The following CCDC40 variants were observed in gnomAD, a reference collection of about 807,000 sequenced individuals.
CCDC40 encodes coiled-coil domain-containing protein 40.
In CCDC40, 104 loss-of-function variants were observed where a neutral mutation model predicts 124.5. The observed-to-expected ratio is 0.84, with a 90% CI of 0.71 to 0.98. The LOEUF is 0.98. Ranked by LOEUF, CCDC40 falls within the 50% of genes least tolerant of loss-of-function variation. CCDC40 has a pLI of 0.00. For missense variants in CCDC40, 1,463 were observed against 1,503.9 expected, an observed-to-expected ratio of 0.97 and a Z score of 0.45; for synonymous variants, 580 against 602.9, an observed-to-expected ratio of 0.96 and a Z score of 0.56.
chr17:80,097,011 C>G (rs2038821979), intron 18 of CCDC40, among the ~76,000 whole-genome samples: 1 of 152,218 alleles, frequency 6.6e-6, no homozygotes, highest in African/African-American at 2.4e-5. Flanking sequence ...AGCCCCAGAA[C>G]CACTCAGGCC....
intron 7 of CCDC40, among the ~76,000 whole-genome samples, chr17:80,055,683 T>C (rs12601831): frequency 0.33 from 50,377 of 151,772 alleles, 11,004 homozygotes; most frequent in African/African-American, 0.63. Context: ...ACATAATTAT[T>C]TACTTATTTT....
At chr17:80,085,084 T>C in intron 13 of CCDC40, 96 bp downstream of exon 13, 1 of 1,481,024 alleles carries the variant, frequency 6.8e-7, no homozygotes. Flanking sequence ...CATGAACTCC[T>C]GGAAGGCACA....
chr17:80,076,355 C>T (rs895441579), intron 10 of CCDC40, among the ~76,000 whole-genome samples: 8 of 152,018 alleles, frequency 5.3e-5, no homozygotes, highest in African/African-American at 1.9e-4. Context: ...AGGCAGATGA[C>T]CTGAGCTCAG....
intron 17 of CCDC40, among the ~76,000 whole-genome samples, chr17:80,092,752 G>A (rs1456494162): frequency 6.6e-6 from 1 of 151,734 alleles, no homozygotes; most frequent in Non-Finnish European, 1.5e-5. Flanking sequence ...CTGGGATTAC[G>A]GGCACACACC....
rs550231495 is a variant in CCDC40 at position 80,089,903 on chromosome 17, C to A, written c.2832+19C>A. The stretch of plus-strand genomic sequence containing the variant: ...GATGAAGGTGAGGGGAGGAGAGCGG[C>A]GTGGCAGGGCCTGCTGGGTGCCAGC... On this transcript the variant is annotated intron_variant, in intron 17 of 19. Coordinates refer to ENST00000397545, the MANE Select transcript of CCDC40 (RefSeq NM_017950.4). 5.0e-6 allele frequency: 8 copies of A among 1,613,542 alleles called. No individual in the cohort carries two copies. The African/African-American group carries it at 8.0e-5, about 16-fold the overall frequency.
chr17:80,099,435 C>A, intron 19 of CCDC40, 92 bp from the exon 20 acceptor site: 1 of 1,475,002 alleles, frequency 6.8e-7, no homozygotes, highest in Non-Finnish European at 9.4e-7. Context: ...GCCTCCTCTT[C>A]GGCATTTCCT....
Position 80,041,258 on chromosome 17 carries a change from A to T in CCDC40, c.552+988A>T, listed in dbSNP as rs142402000. Among the ~76,000 whole-genome samples the T allele has an allele frequency of 3.9e-3, 599 of 152,340 alleles. 4 individuals carry two copies. Among genetic ancestry groups the T allele is most frequent in the African/African-American group, 0.014 (585 of 41,580 alleles). On this transcript the variant is annotated intron_variant, in intron 3 of 19. Transcript: ENST00000397545. ...CATGGTGGTGCACGCCTGTAATCCC[A>T]GCACTTCGGGAGGCCAAGGCGGGTG...
intron 4 of CCDC40, among the ~76,000 whole-genome samples, chr17:80,047,789 C>A (rs919171445): frequency 6.6e-6 from 1 of 152,144 alleles, no homozygotes; most frequent in African/African-American, 2.4e-5. Context: ...CAACCCCAGG[C>A]CTGAATCTGT....
chr17:80,085,010 C>T (rs1440928679), intron 13 of CCDC40, 22 bp downstream of exon 13: 16 of 1,611,896 alleles, frequency 9.9e-6, no homozygotes, highest in African/African-American at 1.3e-5. Flanking sequence ...GGCAGGGAGA[C>T]GTGGTCCCCG....
chr17:80,062,920 A>G (rs28510950), intron 9 of CCDC40, among the ~76,000 whole-genome samples: 11,768 of 151,950 alleles, frequency 0.077, 1,470 homozygotes, highest in African/African-American at 0.26. Flanking sequence ...ATGGCGGGGC[A>G]TGGTGGCTCA....
chr17:80,052,688 G>GA (rs1379080956), intron 7 of CCDC40, among the ~76,000 whole-genome samples: 3 of 152,224 alleles, frequency 2.0e-5, no homozygotes, highest in African/African-American at 7.2e-5. Flanking sequence ...TCTAAAAACA[G>GA]AGCATGCGGA....
Position 80,089,885 on chromosome 17 carries a change from G to T in CCDC40, c.2832+1G>T, listed in dbSNP as rs1257522974. The T allele has an allele frequency of 6.2e-7, 1 of 1,614,210 alleles. No individual in the cohort carries two copies. Among genetic ancestry groups the T allele is most frequent in the Non-Finnish European group, 8.5e-7 (1 of 1,180,018 alleles). On this transcript the variant is annotated splice_donor_variant, in intron 17 of 19. Transcript: ENST00000397545. LOFTEE classifies it high-confidence loss of function. Reference sequence around the variant, plus strand: ...GAAGGGCGAGATCCACAGGATGAAGGTGAGGGGAGGAGAGCGGCGTGGCAG... The same window carrying T: ...GAAGGGCGAGATCCACAGGATGAAGTTGAGGGGAGGAGAGCGGCGTGGCAG...
chr17:80,091,896 G>A (rs2143769046), intron 17 of CCDC40, among the ~76,000 whole-genome samples: 1 of 151,310 alleles, frequency 6.6e-6, no homozygotes, highest in East Asian at 1.9e-4. Context: ...AGTCATATCT[G>A]TACCTTCTTC....
chr17:80,071,118 GTCACTT>G (rs148333017), intron 10 of CCDC40, among the ~76,000 whole-genome samples: 2,877 of 152,320 alleles, frequency 0.019, 39 homozygotes, highest in Middle Eastern at 0.051. Flanking sequence ...AGGGAAATGG[GTCACTT>G]TCACTTTCAG....
intron 7 of CCDC40, among the ~76,000 whole-genome samples, chr17:80,052,038 C>T (rs1157279213): frequency 2.0e-5 from 3 of 152,252 alleles, no homozygotes; most frequent in South Asian, 2.1e-4. Flanking sequence ...GCAACGGTCC[C>T]GGCCCTGACC....
At chr17:80,061,034 G>T (rs2037881358) in intron 9 of CCDC40, among the ~76,000 whole-genome samples, 1 of 152,128 alleles carries the variant, frequency 6.6e-6, no homozygotes, top group African/African-American at 2.4e-5. Flanking sequence ...AACACCAAAA[G>T]CAGGAACCTT....
chr17:80,060,046 A>C (rs969073510), intron 9 of CCDC40, among the ~76,000 whole-genome samples: 12 of 152,264 alleles, frequency 7.9e-5, no homozygotes, highest in Admixed American at 7.2e-4. Context: ...ACAATTCTGG[A>C]GTTTTATCTG....
Position 80,086,590 on chromosome 17 carries a change from A to C in CCDC40, c.2449+374A>C. On this transcript the variant is annotated intron_variant, in intron 14 of 19. Coordinates refer to ENST00000397545, the MANE Select transcript of CCDC40 (RefSeq NM_017950.4). This position sits in a 1 kb window ranked among gnomAD's most constrained non-coding sequence, Gnocchi z 5.5. Reference sequence around the variant, plus strand: ...AGGCTCCTGGTGCTGTCCCCACATCACCTCCAGTTGGGCTTAGAAAACCAT... The same window carrying C: ...AGGCTCCTGGTGCTGTCCCCACATCCCCTCCAGTTGGGCTTAGAAAACCAT... 1 of 292,328 alleles carries C rather than the reference A, an allele frequency of 3.4e-6. No homozygotes were observed. 18.1% of individuals were successfully genotyped at this position (292,328 alleles called of 1,614,324 possible).
intron 1 of CCDC40, among the ~76,000 whole-genome samples, chr17:80,037,683 T>TTTA (rs1254449744): frequency 2.3e-5 from 1 of 44,392 alleles, no homozygotes. Flanking sequence ...TTTAATTTTT[T>TTTA]AAAAAAGATA....
Sources: allele counts gnomAD v4.1 joint callset (sites outside exome capture counted in the v4.1 genomes callset), GRCh38; gene constraint gnomAD v4.1.1; non-coding constraint Gnocchi (gnomAD v3.1); transcripts MANE v1.5; gene names NCBI Gene and HGNC (gene_info 2026-07-23, HGNC 2026-07-21).